The following SCTR variants were observed in gnomAD, a reference collection of about 807,000 sequenced individuals.
SCTR encodes secretin receptor.
In SCTR, 56 loss-of-function variants were observed where a neutral mutation model predicts 60.8. That is an observed-to-expected ratio of 0.92 (90% CI 0.74 to 1.15). SCTR has a LOEUF of 1.15. Among genes scored for constraint, SCTR ranks in the 50% most tolerant of loss-of-function variants. The probability of loss-of-function intolerance (pLI) is 0.00; values close to 1 mark genes in which losing one functional copy is unlikely to be tolerated. For synonymous variants in SCTR, 202 were observed against 217.0 expected, an observed-to-expected ratio of 0.93 and a Z score of 0.61; for missense variants, 562 against 550.4, an observed-to-expected ratio of 1.02 and a Z score of -0.21.
intron 2 of SCTR, among the ~76,000 whole-genome samples, chr2:119,489,224 C>T (rs13420694): frequency 0.043 from 6,615 of 152,264 alleles, 489 homozygotes; most frequent in African/African-American, 0.15. Flanking sequence ...ACCAGGACCA[C>T]GTTGCTCGCC....
Position 119,478,241 on chromosome 2 carries a change from C to T in SCTR, c.301+570G>A, listed in dbSNP as rs533567549. 2.6e-5 allele frequency among the ~76,000 whole-genome samples: 4 copies of T among 152,282 alleles called. No homozygotes were observed. In the South Asian group the frequency reaches 6.2e-4, roughly 24 times the overall value. On this transcript the variant is annotated intron_variant, in intron 3 of 12. Transcript: ENST00000019103. ...AGGGGGTTTATGATGAATAAATGAG[C>T]CCGTATGTACATATAAAAATGTCCA...
intron 12 of SCTR, 149 bp from the exon 13 acceptor site, chr2:119,440,406 T>C (rs1161431172): frequency 2.3e-6 from 2 of 857,100 alleles, no homozygotes; most frequent in East Asian, 5.3e-5. Context: ...ATTGACTGTT[T>C]CCAGCCCCAA....
chr2:119,491,702 G>C (rs894229019), intron 2 of SCTR, among the ~76,000 whole-genome samples: 4 of 152,052 alleles, frequency 2.6e-5, no homozygotes, highest in Non-Finnish European at 4.4e-5. Context: ...GTAGAGACAG[G>C]GTTTCACCTT....
chr2:119,521,661 G>A (rs922197534), intron 1 of SCTR, among the ~76,000 whole-genome samples: 27 of 152,124 alleles, frequency 1.8e-4, no homozygotes, highest in African/African-American at 6.0e-4. Flanking sequence ...GAGGGAGAGC[G>A]GTAATAAGCA....
intron 1 of SCTR, among the ~76,000 whole-genome samples, chr2:119,502,347 A>C (rs936390732): frequency 2.0e-5 from 3 of 152,260 alleles, no homozygotes; most frequent in Non-Finnish European, 4.4e-5. Context: ...ATATGCTGAG[A>C]ACAACATAAT....
At chr2:119,482,722 G>T (rs1181041767) in intron 2 of SCTR, among the ~76,000 whole-genome samples, 1 of 152,202 alleles carries the variant, frequency 6.6e-6, no homozygotes, top group East Asian at 1.9e-4. Context: ...AACTCAGCAG[G>T]CCTGCCGGGT....
chr2:119,478,857 C>T lies in SCTR; in HGVS notation c.255G>A (p.Val85=), dbSNP rs1677464035. ...CWPSSVPGRM[V]EVECPRFLRM... ...GGAGGAATCTCGGGCATTCCACCTC[C>T]ACCATCCGGCCCGGCACAGAAGAGG... Residue 85 remains valine (V), a synonymous_variant, in exon 3 of 13, where the codon GTG becomes GTA. Coordinates refer to ENST00000019103, the MANE Select transcript of SCTR (RefSeq NM_002980.3). The T allele has an allele frequency of 6.2e-7, 1 of 1,614,188 alleles. No individual in the cohort carries two copies. Among genetic ancestry groups the T allele is most frequent in the Non-Finnish European group, 8.5e-7 (1 of 1,180,030 alleles).
intron 9 of SCTR, among the ~76,000 whole-genome samples, chr2:119,450,730 G>A (rs184140950): frequency 6.6e-6 from 1 of 152,224 alleles, no homozygotes; most frequent in East Asian, 1.9e-4. Flanking sequence ...AGCATTTTGG[G>A]AGGCTGAGGC....
chr2:119,498,783 A>G (rs1678436612), intron 1 of SCTR, among the ~76,000 whole-genome samples: 1 of 152,074 alleles, frequency 6.6e-6, no homozygotes, highest in Non-Finnish European at 1.5e-5. Flanking sequence ...TTGTTCAACT[A>G]ACCCACAAGA....
At chr2:119,504,492 G>A (rs1346883179) in intron 1 of SCTR, among the ~76,000 whole-genome samples, 1 of 152,154 alleles carries the variant, frequency 6.6e-6, no homozygotes, top group Non-Finnish European at 1.5e-5. Context: ...TAGGGAGGCT[G>A]AGGCAGGAGA....
intron 2 of SCTR, among the ~76,000 whole-genome samples, chr2:119,494,155 G>A (rs1279347871): frequency 1.3e-5 from 2 of 152,224 alleles, no homozygotes; most frequent in African/African-American, 4.8e-5. Flanking sequence ...CTCTTACGTT[G>A]GCCAAGTCAG....
chr2:119,457,336 TA>T (rs1683414306), intron 7 of SCTR, among the ~76,000 whole-genome samples: 1 of 152,146 alleles, frequency 6.6e-6, no homozygotes, highest in Non-Finnish European at 1.5e-5. Context: ...TTTACATAGA[TA>T]TAATAATGTA....
chr2:119,469,935 T>C (rs142301981), intron 4 of SCTR, among the ~76,000 whole-genome samples: 2,347 of 152,332 alleles, frequency 0.015, 70 homozygotes, highest in African/African-American at 0.054. Context: ...CTGTAGCCTT[T>C]AGATCATCTG....
intron 9 of SCTR, among the ~76,000 whole-genome samples, chr2:119,450,125 A>AAAGG (rs1401212331): frequency 2.7e-4 from 40 of 149,674 alleles, no homozygotes; most frequent in African/African-American, 4.5e-4. Flanking sequence ...GGAAGGAAGG[A>AAAGG]AAGGAAGGAA....
chr2:119,497,280 G>T (rs777747397), intron 1 of SCTR, among the ~76,000 whole-genome samples: 9 of 151,998 alleles, frequency 5.9e-5, no homozygotes, highest in Non-Finnish European at 2.9e-5. Flanking sequence ...AAGGCAGAGT[G>T]GGAACGTTGG....
chr2:119,497,360 A>T (rs536736088), intron 1 of SCTR, among the ~76,000 whole-genome samples: 2 of 152,076 alleles, frequency 1.3e-5, no homozygotes, highest in East Asian at 3.9e-4. Flanking sequence ...AAAAAAAAAA[A>T]GCTAACTAAA....
At position 119,478,889 on chromosome 2, in the gene SCTR, A is replaced by G. The variant is rs1480487556; in HGVS notation, c.223T>C (p.Cys75Arg). The G allele has an allele frequency of 1.2e-6, 2 of 1,614,058 alleles. No homozygotes were observed. The highest frequency in any genetic ancestry group is 1.7e-5 in the Admixed American group (1 of 59,998). Residue 75 changes from cysteine (C) to arginine (R), a missense_variant, in exon 3 of 13, where the codon TGC (cysteine) becomes CGC (arginine). Physicochemically the swap from Cys to Arg is radical, Grantham distance 180. Transcript: ENST00000019103. ...GCEGMWDNIS[C>R]WPSSVPGRMV... ...CGGCCCGGCACAGAAGAGGGCCAGCAGCTTATGTTGTCCCACATCCCCTCA... is the reference window on the plus strand; with the variant it reads ...CGGCCCGGCACAGAAGAGGGCCAGCGGCTTATGTTGTCCCACATCCCCTCA...
At chr2:119,460,313 G>A (rs2104794989) in intron 7 of SCTR, among the ~76,000 whole-genome samples, 1 of 152,232 alleles carries the variant, frequency 6.6e-6, no homozygotes, top group African/African-American at 2.4e-5. Context: ...GTCACTCACA[G>A]GAACCTGGCT....
chr2:119,454,304 C>G (rs140318793), intron 7 of SCTR, among the ~76,000 whole-genome samples: 1 of 152,064 alleles, frequency 6.6e-6, no homozygotes, highest in African/African-American at 2.4e-5. Context: ...GCACCCCAGG[C>G]GGCCAGCACT....
Sources: gnomAD v4.1 joint callset for allele counts (sites outside exome capture counted in the v4.1 genomes callset) on GRCh38, gnomAD v4.1.1 for gene constraint, MANE v1.5 for transcripts, NCBI Gene and HGNC (gene_info 2026-07-23, HGNC 2026-07-21) for gene names.